Variants in ADRA1A observed in about 807,000 individuals in gnomAD.
ADRA1A encodes the protein alpha-1A adrenergic receptor.
ADRA1A carries 31 observed loss-of-function variants against 29.6 expected under a neutral mutation model. That is an observed-to-expected ratio of 1.05 (90% CI 0.79 to 1.41). The LOEUF is 1.41. ADRA1A is among the 40% of genes most tolerant of loss of function. ADRA1A has a pLI of 0.00. For missense variants in ADRA1A, 619 were observed against 601.1 expected (o/e 1.03, Z -0.31); for synonymous variants, 311 against 254.3 (o/e 1.22, Z -2.12).
At chr8:26,770,697 T>C in intron 2 of ADRA1A, 31 bp from the exon 3 acceptor site, 1 of 1,555,502 alleles carries the variant, frequency 6.4e-7, no homozygotes, top group Non-Finnish European at 8.7e-7. Flanking sequence ...TTATACATAT[T>C]ATTTGAAAGC....
intron 2 of ADRA1A, among the ~76,000 whole-genome samples, chr8:26,757,859 G>GCACGTACACA (rs140381456): frequency 6.6e-6 from 1 of 151,294 alleles, no homozygotes; most frequent in Non-Finnish European, 1.5e-5. Flanking sequence ...ATAAGCACAC[G>GCACGTACACA]CACACACACA....
At chr8:26,773,128 C>T (rs1417253481) in intron 2 of ADRA1A, among the ~76,000 whole-genome samples, 1 of 152,166 alleles carries the variant, frequency 6.6e-6, no homozygotes, top group Non-Finnish European at 1.5e-5. Context: ...AGTAGCTCAA[C>T]CGAGGTCACT....
At chr8:26,756,883 A>G (rs1805198839) in intron 2 of ADRA1A, 1 of 1,507,968 alleles carries the variant, frequency 6.6e-7, no homozygotes, top group Non-Finnish European at 8.9e-7. Flanking sequence ...GTAGAGTAAG[A>G]ATTCTTACTC....
At chr8:26,819,456 TAA>T in intron 2 of ADRA1A, among the ~76,000 whole-genome samples, 1 of 152,132 alleles carries the variant, frequency 6.6e-6, no homozygotes, top group Non-Finnish European at 1.5e-5. Context: ...CAAAAAGATG[TAA>T]ATTGTGATAT....
At chr8:26,780,049 G>T (rs895155336) in intron 2 of ADRA1A, among the ~76,000 whole-genome samples, 5 of 152,132 alleles carry the variant, frequency 3.3e-5, no homozygotes, top group Non-Finnish European at 7.3e-5. Flanking sequence ...TATCTGCCAA[G>T]ACATGTGTTA....
At chr8:26,779,548 T>C in intron 2 of ADRA1A, 1 of 590,018 alleles carries the variant, frequency 1.7e-6, no homozygotes, top group South Asian at 2.2e-5. Flanking sequence ...ACAAGCAGGA[T>C]GATGAAGGAA....
chr8:26,845,694 A>T (rs1279648566), intron 2 of ADRA1A, among the ~76,000 whole-genome samples: 1 of 152,262 alleles, frequency 6.6e-6, no homozygotes, highest in Non-Finnish European at 1.5e-5. Flanking sequence ...AATGACCCTC[A>T]ATGGAGCAAC....
intron 2 of ADRA1A, among the ~76,000 whole-genome samples, chr8:26,749,959 A>G (rs1804853313): frequency 6.6e-6 from 1 of 152,218 alleles, no homozygotes; most frequent in Non-Finnish European, 1.5e-5. Context: ...CTAGAGGCAC[A>G]TGAGCATTGA....
At chr8:26,811,129 G>A (rs1420539910) in intron 2 of ADRA1A, among the ~76,000 whole-genome samples, 1 of 152,034 alleles carries the variant, frequency 6.6e-6, no homozygotes, top group Non-Finnish European at 1.5e-5. Flanking sequence ...AGGCCCTAGG[G>A]TGAGAAATAG....
At chr8:26,846,595 C>A (rs1226330566) in intron 2 of ADRA1A, among the ~76,000 whole-genome samples, 6 of 152,102 alleles carry the variant, frequency 3.9e-5, no homozygotes, top group Admixed American at 3.3e-4. Context: ...ATGGAGAAAC[C>A]CTGTCTCTAC....
rs563140925 is a variant in ADRA1A at position 26,787,638 on chromosome 8, A to C, written c.884-16972T>G. On this transcript the variant is annotated intron_variant, in intron 2 of 2. Coordinates refer to ENST00000380573, the MANE Select transcript of ADRA1A (RefSeq NM_000680.4). The surrounding 1 kb of genome is among the most constrained non-coding windows in gnomAD (Gnocchi z 4.2). Reference sequence around the variant, plus strand: ...AAATAGTTACCATCTCGTGTGCTGCATAAAAATATCAATGCCTGACACAGA... The same window carrying C: ...AAATAGTTACCATCTCGTGTGCTGCCTAAAAATATCAATGCCTGACACAGA... 2.4e-4 allele frequency among the ~76,000 whole-genome samples: 36 copies of C among 152,012 alleles called. No homozygotes were observed. The highest frequency in any genetic ancestry group is 4.3e-4 in the Non-Finnish European group (29 of 67,992).
rs1027017427 is a variant in ADRA1A, at chr8:26,866,455, C to A, written c.-687+481G>T. Among the ~76,000 whole-genome samples the A allele has an allele frequency of 8.5e-5, 13 of 152,150 alleles. No homozygotes were observed. Among genetic ancestry groups the A allele is most frequent in the African/African-American group, 3.1e-4 (13 of 41,436 alleles). On this transcript the variant is annotated intron_variant, in intron 1 of 2. Coordinates refer to ENST00000380573, the MANE Select transcript of ADRA1A (RefSeq NM_000680.4). This position sits in a 1 kb window ranked among gnomAD's most constrained non-coding sequence, Gnocchi z 5.7. ...GGATTTTGCAGGCGTAAACATTAAG[C>A]CGGCATGCCAGCGGGCAGGGGCCGC...
At chr8:26,828,774 T>C (rs1248638420) in intron 2 of ADRA1A, among the ~76,000 whole-genome samples, 3 of 152,156 alleles carry the variant, frequency 2.0e-5, no homozygotes, top group Admixed American at 6.5e-5. Flanking sequence ...AGTGATCTAG[T>C]ATTCAATTGA....
chr8:26,836,187 G>T, intron 2 of ADRA1A: 1 of 248,690 alleles, frequency 4.0e-6, no homozygotes, highest in Admixed American at 4.1e-5. Flanking sequence ...TCTGTCAAAA[G>T]GGGCAGTCTT....
chr8:26,815,420 A>C lies in ADRA1A; in HGVS notation c.884-44754T>G, dbSNP rs1417294045. Among the ~76,000 whole-genome samples, 1 of 152,232 alleles carries C rather than the reference A, an allele frequency of 6.6e-6. No individual in the cohort carries two copies. The highest frequency in any genetic ancestry group is 1.5e-5 in the Non-Finnish European group (1 of 68,044). On this transcript the variant is annotated intron_variant, in intron 2 of 2. Transcript: ENST00000380573. The surrounding 1 kb of genome is among the most constrained non-coding windows in gnomAD (Gnocchi z 4.2). The stretch of plus-strand genomic sequence containing the variant: ...CTAAAACAAGAGGTAGCAAAAACCT[A>C]AGTATTAATGTAACACTGATTTCAA...
chr8:26,760,172 C>T (rs1805425695), intron 2 of ADRA1A, among the ~76,000 whole-genome samples: 2 of 152,190 alleles, frequency 1.3e-5, no homozygotes, highest in Admixed American at 1.3e-4. Flanking sequence ...GAGAATATAT[C>T]ACTCTGTGTC....
In ADRA1A at chr8:26,798,966, T is replaced by C. The variant is rs372365047; in HGVS notation, c.884-28300A>G. ...TTGCAGAGCAGGTATTTTGCTTTAT[T>C]CCCATTTGATTTCCAACAATCCCTT... On this transcript the variant is annotated intron_variant, in intron 2 of 2. Transcript: ENST00000380573. Among the ~76,000 whole-genome samples, 7 of 152,170 alleles carry C rather than the reference T, an allele frequency of 4.6e-5. No individual in the cohort carries two copies. In the East Asian group the frequency reaches 1.3e-3, roughly 29 times the overall value.
chr8:26,793,955 A>G (rs1435009637), intron 2 of ADRA1A, among the ~76,000 whole-genome samples: 2 of 152,056 alleles, frequency 1.3e-5, no homozygotes, highest in African/African-American at 4.8e-5. Flanking sequence ...CCAAATCAAA[A>G]GAAAACAAAT....
chr8:26,846,996 A>G (rs1197230143), intron 2 of ADRA1A, among the ~76,000 whole-genome samples: 1 of 151,992 alleles, frequency 6.6e-6, no homozygotes, highest in Non-Finnish European at 1.5e-5. Flanking sequence ...GCATATTCTC[A>G]CTCATAGCTG....
Sources: gnomAD v4.1 joint callset for allele counts (sites outside exome capture counted in the v4.1 genomes callset) on GRCh38, gnomAD v4.1.1 for gene constraint, Gnocchi (gnomAD v3.1) non-coding constraint, MANE v1.5 for transcripts, NCBI Gene and HGNC (gene_info 2026-07-23, HGNC 2026-07-21) for gene names.